The following RASAL2 variants were observed in gnomAD, a reference collection of about 807,000 sequenced individuals.
The protein encoded by RASAL2 is ras GTPase-activating protein nGAP.
RASAL2 carries 58 observed loss-of-function variants against 128.9 expected under a neutral mutation model. The observed-to-expected ratio is 0.45, with a 90% confidence interval of 0.36 to 0.56. The LOEUF (loss-of-function observed/expected upper bound fraction) is 0.56, where lower values mean the gene tolerates loss of function less well. RASAL2 is among the 20% of genes least tolerant of loss of function. RASAL2 has a pLI of 0.00. For missense variants in RASAL2, 1,360 were observed against 1,601.6 expected, an observed-to-expected ratio of 0.85 and a Z score of 2.57; for synonymous variants, 561 against 580.8, an observed-to-expected ratio of 0.97 and a Z score of 0.49.
intron 1 of RASAL2, among the ~76,000 whole-genome samples, chr1:178,116,659 G>C (rs1271549635): frequency 1.3e-5 from 2 of 151,864 alleles, no homozygotes; most frequent in Non-Finnish European, 2.9e-5. Flanking sequence ...GCCCAGGCTT[G>C]AGTGCAGTGG....
chr1:178,441,623 T>C lies in RASAL2; in HGVS notation c.903T>C (p.Leu301=), dbSNP rs1383348193. 2 of 1,612,270 alleles carry C rather than the reference T, an allele frequency of 1.2e-6. No homozygotes were observed. Among genetic ancestry groups the C allele is most frequent in the Non-Finnish European group, 1.7e-6 (2 of 1,178,908 alleles). ...AGAGAGACAAGTGGATGGAAAACCTTCGCAGGACAGTTCAACCTAATAAGG... is the reference window on the plus strand; with the variant it reads ...AGAGAGACAAGTGGATGGAAAACCTCCGCAGGACAGTTCAACCTAATAAGG... ...ASERDKWMEN[L]RRTVQPNKDN... Residue 301 remains leucine, a synonymous_variant, in exon 7 of 18, where the codon CTT becomes CTC. Coordinates refer to ENST00000367649, the MANE Select transcript of RASAL2 (RefSeq NM_170692.4).
intron 1 of RASAL2, among the ~76,000 whole-genome samples, chr1:178,191,775 T>C (rs1370652854): frequency 2.6e-5 from 4 of 152,202 alleles, no homozygotes; most frequent in South Asian, 2.1e-4. Flanking sequence ...GTAAAAATAG[T>C]CCTTAAGACC....
intron 3 of RASAL2, among the ~76,000 whole-genome samples, chr1:178,313,275 A>G (rs575694417): frequency 2.0e-5 from 3 of 152,206 alleles, no homozygotes; most frequent in Non-Finnish European, 4.4e-5. Flanking sequence ...CATCTTTCAT[A>G]GTGGAAAGTC....
intron 3 of RASAL2, among the ~76,000 whole-genome samples, chr1:178,355,908 C>T (rs567310498): frequency 3.9e-5 from 6 of 152,256 alleles, no homozygotes; most frequent in Non-Finnish European, 8.8e-5. Flanking sequence ...CGGTGGCTCA[C>T]GCCTGTAATC....
At chr1:178,299,554 G>A (rs1341676404) in intron 2 of RASAL2, among the ~76,000 whole-genome samples, 2 of 151,982 alleles carry the variant, frequency 1.3e-5, no homozygotes, top group South Asian at 2.1e-4. Context: ...CTGGAGTGCA[G>A]TGGTGTGATC....
At chr1:178,299,251 C>T (rs1168472123) in intron 2 of RASAL2, among the ~76,000 whole-genome samples, 1 of 152,168 alleles carries the variant, frequency 6.6e-6, no homozygotes, top group African/African-American at 2.4e-5. Flanking sequence ...GGTGATCTTA[C>T]TACCTTTAAT....
chr1:178,111,485 G>A (rs555325061), intron 1 of RASAL2, among the ~76,000 whole-genome samples: 1 of 152,270 alleles, frequency 6.6e-6, no homozygotes, highest in South Asian at 2.1e-4. Flanking sequence ...GTGTGTGGCA[G>A]GTTCCATTAT....
rs1198904366 is a variant in RASAL2 at position 178,162,472 on chromosome 1, AT to A, written c.202+67781del. Among the ~76,000 whole-genome samples the A allele has an allele frequency of 2.5e-3, 311 of 123,664 alleles. 5 individuals carry two copies. The East Asian group carries it at 0.054, about 22-fold the overall frequency. The allele number at this position is 123,664 out of a possible 152,430, so 81.1% of individuals were successfully genotyped here. On this transcript the variant is annotated intron_variant, in intron 1 of 17. Coordinates refer to ENST00000367649, the MANE Select transcript of RASAL2 (RefSeq NM_170692.4). ...ATATAATATTAAATATATTTTATAT[AT>A]TTATATTTTATATAATATATATATT...
At chr1:178,127,181 G>T (rs1203068935) in intron 1 of RASAL2, among the ~76,000 whole-genome samples, 1 of 152,008 alleles carries the variant, frequency 6.6e-6, no homozygotes, top group Non-Finnish European at 1.5e-5. Context: ...ACTTATCAAA[G>T]GTTATACCTG....
chr1:178,186,332 T>C (rs1385598357), intron 1 of RASAL2, among the ~76,000 whole-genome samples: 1 of 152,094 alleles, frequency 6.6e-6, no homozygotes, highest in Non-Finnish European at 1.5e-5. Context: ...AACCAGCTTC[T>C]GGTTTTGTTT....
intron 1 of RASAL2, among the ~76,000 whole-genome samples, chr1:178,137,721 C>CA (rs1429281755): frequency 6.6e-6 from 1 of 152,194 alleles, no homozygotes; most frequent in Non-Finnish European, 1.5e-5. Context: ...AAGAAAGCCT[C>CA]AGATGCTTAC....
chr1:178,270,621 G>T (rs1666199855), intron 1 of RASAL2, among the ~76,000 whole-genome samples: 1 of 136,796 alleles, frequency 7.3e-6, no homozygotes. Context: ...CTTTTTCTGT[G>T]TCTCTCTTTT....
At chr1:178,341,488 G>C (rs1669876221) in intron 3 of RASAL2, 1 of 1,566,730 alleles carries the variant, frequency 6.4e-7, no homozygotes, top group Admixed American at 1.9e-5. Flanking sequence ...AGAGCAAAAA[G>C]GGAGAGAGCA....
intron 1 of RASAL2, among the ~76,000 whole-genome samples, chr1:178,186,591 A>G (rs1469486959): frequency 1.3e-5 from 2 of 152,114 alleles, no homozygotes; most frequent in Non-Finnish European, 1.5e-5. Context: ...TCCGATGAGT[A>G]GTAGTCAGCA....
intron 1 of RASAL2, among the ~76,000 whole-genome samples, chr1:178,242,486 A>ATC (rs1441621232): frequency 3.8e-5 from 2 of 52,420 alleles, no homozygotes; most frequent in Non-Finnish European, 7.9e-5. Flanking sequence ...TCTCTCTTTC[A>ATC]TCTCTCTCTC....
chr1:178,240,949 C>CT (rs1394716798), intron 1 of RASAL2, among the ~76,000 whole-genome samples: 1 of 150,686 alleles, frequency 6.6e-6, no homozygotes. Flanking sequence ...TTATTCATGA[C>CT]TTTTTTATTG....
intron 4 of RASAL2, among the ~76,000 whole-genome samples, chr1:178,399,259 C>G (rs1485594448): frequency 1.3e-5 from 2 of 152,088 alleles, no homozygotes; most frequent in African/African-American, 4.8e-5. Flanking sequence ...AGGGATTAGA[C>G]AGCACAACCC....
intron 1 of RASAL2, among the ~76,000 whole-genome samples, chr1:178,097,707 C>T (rs1658743170): frequency 6.6e-6 from 1 of 152,120 alleles, no homozygotes; most frequent in Admixed American, 6.5e-5. Flanking sequence ...TGGGAACAAA[C>T]AACAACAGAA....
rs571935906 is a variant in RASAL2, at chr1:178,180,028, C to T, written c.202+85334C>T. ...AGGACATCTGGAATGAAAGATCGTT[C>T]ACTGGAATTTTTTAGAGTTTGATTA... On this transcript the variant is annotated intron_variant, in intron 1 of 17. Coordinates refer to ENST00000367649, the MANE Select transcript of RASAL2 (RefSeq NM_170692.4). Among the ~76,000 whole-genome samples the T allele has an allele frequency of 2.0e-5, 3 of 152,232 alleles. No individual in the cohort carries two copies. The East Asian group carries it at 5.8e-4, about 29-fold the overall frequency.
Sources: gnomAD v4.1 joint callset for allele counts (sites outside exome capture counted in the v4.1 genomes callset) on GRCh38, gnomAD v4.1.1 for gene constraint, MANE v1.5 for transcripts, NCBI Gene and HGNC (gene_info 2026-07-23, HGNC 2026-07-21) for gene names.